ROBO1: variants seen among roughly 807,000 people sequenced by gnomAD.
ROBO1 encodes the protein roundabout homolog 1.
A neutral mutation model predicts 195.9 loss-of-function variants in ROBO1; 149 were observed. The ratio of observed to expected loss-of-function variants is 0.76; its 90% CI spans 0.67 to 0.87. The LOEUF is 0.87. Ranked by LOEUF, ROBO1 falls within the 40% of genes least tolerant of loss-of-function variation. The pLI is 0.00. For missense variants in ROBO1, 1,933 were observed against 2,068.3 expected, an observed-to-expected ratio of 0.93 and a Z score of 1.27; for synonymous variants, 816 against 733.2, an observed-to-expected ratio of 1.11 and a Z score of -1.82.
chr3:79,138,217 A>T (rs1266863578), intron 2 of ROBO1, among the ~76,000 whole-genome samples: 1 of 152,040 alleles, frequency 6.6e-6, no homozygotes, highest in African/African-American at 2.4e-5. Context: ...AGGGTGATTA[A>T]GACAGGGTCA....
intron 28 of ROBO1, among the ~76,000 whole-genome samples, chr3:78,610,270 A>C (rs1703731937): frequency 6.6e-6 from 1 of 152,202 alleles, no homozygotes; most frequent in Non-Finnish European, 1.5e-5. Flanking sequence ...TTCAAAAAAT[A>C]ATACATAAAA....
intron 1 of ROBO1, among the ~76,000 whole-genome samples, chr3:79,722,401 C>G (rs766579155): frequency 6.6e-6 from 1 of 152,146 alleles, no homozygotes. Context: ...AGCAATGATG[C>G]CTTGTACCCA....
At chr3:78,986,503 A>G (rs1214622740) in intron 3 of ROBO1, among the ~76,000 whole-genome samples, 1 of 151,960 alleles carries the variant, frequency 6.6e-6, no homozygotes, top group Non-Finnish European at 1.5e-5. Context: ...TGGAGTCTTC[A>G]ATGACAGCTA....
chr3:79,379,285 T>C (rs2036490438), intron 2 of ROBO1, among the ~76,000 whole-genome samples: 1 of 152,208 alleles, frequency 6.6e-6, no homozygotes, highest in African/African-American at 2.4e-5. Flanking sequence ...TGCCATGTTT[T>C]CACGGCCAGC....
At chr3:79,686,400 G>C (rs541550538) in intron 1 of ROBO1, among the ~76,000 whole-genome samples, 1 of 152,068 alleles carries the variant, frequency 6.6e-6, no homozygotes, top group Non-Finnish European at 1.5e-5. Flanking sequence ...GAAATAAAGG[G>C]TATTCAATTA....
intron 29 of ROBO1, among the ~76,000 whole-genome samples, chr3:78,601,965 A>G (rs1420410295): frequency 6.6e-6 from 1 of 151,918 alleles, no homozygotes; most frequent in Non-Finnish European, 1.5e-5. Context: ...CTTTCAGCCT[A>G]ATGTATATAA....
chr3:78,918,965 C>G (rs941722853), intron 4 of ROBO1, among the ~76,000 whole-genome samples: 1 of 152,086 alleles, frequency 6.6e-6, no homozygotes, highest in Non-Finnish European at 1.5e-5. Flanking sequence ...GGTTCTGGAG[C>G]AAAGGAAAGT....
chr3:79,256,380 A>G (rs919012717), intron 2 of ROBO1, among the ~76,000 whole-genome samples: 1 of 152,194 alleles, frequency 6.6e-6, no homozygotes, highest in African/African-American at 2.4e-5. Flanking sequence ...TAATGGAAAC[A>G]GCCTGACCAT....
intron 3 of ROBO1, among the ~76,000 whole-genome samples, chr3:78,990,723 A>G (rs1166686273): frequency 2.0e-5 from 3 of 152,200 alleles, no homozygotes. Flanking sequence ...AAATTTAAAG[A>G]ACACATTTTA....
At chr3:78,639,716 C>T in intron 22 of ROBO1, 28 bp downstream of exon 22, 1 of 1,593,632 alleles carries the variant, frequency 6.3e-7, no homozygotes, top group Non-Finnish European at 8.6e-7. Context: ...AAAGCTTATA[C>T]ATATCAGGCT....
At position 79,364,273 on chromosome 3, in the gene ROBO1, T is replaced by C. The variant is rs1035885713; in HGVS notation, c.88+225551A>G. Among the ~76,000 whole-genome samples, 120 of 144,830 alleles carry C rather than the reference T, an allele frequency of 8.3e-4. 1 individual carries two copies. The highest frequency in any genetic ancestry group is 9.2e-4 in the African/African-American group (34 of 36,898). On this transcript the variant is annotated intron_variant, in intron 2 of 30. Coordinates refer to ENST00000464233, the MANE Select transcript of ROBO1 (RefSeq NM_002941.4). ...ATATACATATATATACACACACACA[T>C]ATATATATATACACACACATATATA...
intron 2 of ROBO1, among the ~76,000 whole-genome samples, chr3:79,166,028 G>A (rs1345399717): frequency 2.6e-5 from 4 of 152,074 alleles, no homozygotes; most frequent in Admixed American, 6.6e-5. Flanking sequence ...CCTTCCTGAT[G>A]GCCTGTCCTA....
chr3:79,622,016 T>C (rs886627178), intron 1 of ROBO1, among the ~76,000 whole-genome samples: 1 of 152,054 alleles, frequency 6.6e-6, no homozygotes, highest in Non-Finnish European at 1.5e-5. Flanking sequence ...GTATTCATAT[T>C]CTCTCATCAG....
chr3:79,000,896 A>G (rs2077485835), intron 3 of ROBO1, among the ~76,000 whole-genome samples: 1 of 152,192 alleles, frequency 6.6e-6, no homozygotes, highest in Admixed American at 6.5e-5. Context: ...GATAGACTGG[A>G]TAAAGAAAAT....
intron 4 of ROBO1, among the ~76,000 whole-genome samples, chr3:78,894,668 A>G (rs1369700705): frequency 6.6e-6 from 1 of 152,266 alleles, no homozygotes; most frequent in African/African-American, 2.4e-5. Flanking sequence ...ATAATACAGC[A>G]GAAACAAATT....
chr3:79,008,533 TATAC>T (rs1001229217), intron 3 of ROBO1, among the ~76,000 whole-genome samples: 1 of 151,794 alleles, frequency 6.6e-6, no homozygotes, highest in South Asian at 2.1e-4. Context: ...ATATATATAG[TATAC>T]ATACAAAGTA....
At chr3:78,788,261 G>A (rs540990520) in intron 4 of ROBO1, among the ~76,000 whole-genome samples, 61 of 150,302 alleles carry the variant, frequency 4.1e-4, no homozygotes, top group Non-Finnish European at 5.9e-4. Flanking sequence ...GGCTAAAGGC[G>A]CCCGCCACCA....
chr3:79,020,554 T>A (rs2078078212), intron 3 of ROBO1, among the ~76,000 whole-genome samples: 1 of 152,070 alleles, frequency 6.6e-6, no homozygotes, highest in Non-Finnish European at 1.5e-5. Flanking sequence ...TAGCCGGGCG[T>A]GGTGGCGTTC....
At chr3:78,949,187 G>A (rs1243769017) in intron 3 of ROBO1, among the ~76,000 whole-genome samples, 1 of 136,694 alleles carries the variant, frequency 7.3e-6, no homozygotes. Context: ...AACCAAAAAA[G>A]AGACCGCATC....
Sources: gnomAD v4.1 joint callset for allele counts (sites outside exome capture counted in the v4.1 genomes callset) on GRCh38, gnomAD v4.1.1 for gene constraint, MANE v1.5 for transcripts, NCBI Gene and HGNC (gene_info 2026-07-23, HGNC 2026-07-21) for gene names.